TDRD10: variants seen among roughly 807,000 people sequenced by gnomAD.
TDRD10 encodes the protein tudor domain containing 10.
In TDRD10, 40 loss-of-function variants were observed where a neutral mutation model predicts 48.0. The observed-to-expected ratio is 0.83, with a 90% CI of 0.65 to 1.09. TDRD10 has a LOEUF of 1.09. Among genes scored for constraint, TDRD10 ranks in the 50% least tolerant of loss-of-function variants. The probability of loss-of-function intolerance (pLI) is 0.00; values close to 1 mark genes in which losing one functional copy is unlikely to be tolerated. For missense variants in TDRD10, 378 were observed against 434.7 expected (o/e 0.87, Z 1.16); for synonymous variants, 162 against 170.4 (o/e 0.95, Z 0.38).
chr1:154,508,609 C>T (rs929755776), intron 4 of TDRD10, 128 bp downstream of exon 4: 7 of 700,386 alleles, frequency 1.0e-5, no homozygotes, highest in South Asian at 4.9e-5. Flanking sequence ...GACAGTCACT[C>T]GTTGGTGACT....
chr1:154,537,131 C>G (rs1223637100), intron 6 of TDRD10, among the ~76,000 whole-genome samples: 1 of 152,142 alleles, frequency 6.6e-6, no homozygotes, highest in Non-Finnish European at 1.5e-5. Flanking sequence ...TTTGCTGTCT[C>G]CCTTCATTCC....
rs778421773 is a variant in TDRD10, at chr1:154,508,413, T to C, written c.83-10T>C. Reference sequence around the variant, plus strand: ...GTATGCCTGCCATTTAATGCTGTTTTTCTTCTTAGGATTCAAGAAAAGAGA... The same window carrying C: ...GTATGCCTGCCATTTAATGCTGTTTCTCTTCTTAGGATTCAAGAAAAGAGA... On this transcript the variant is annotated splice_polypyrimidine_tract_variant and intron_variant, in intron 3 of 12. Transcript: ENST00000368482. 35 of 1,595,664 alleles carry C rather than the reference T, an allele frequency of 2.2e-5. No individual in the cohort carries two copies. Among genetic ancestry groups the C allele is most frequent in the Non-Finnish European group, 2.9e-5 (34 of 1,163,292 alleles).
In TDRD10 at chr1:154,506,882, C is replaced by A; in HGVS notation, c.-22C>A. 1 of 1,614,078 alleles carries A rather than the reference C, an allele frequency of 6.2e-7. No individual in the cohort carries two copies. The highest frequency in any genetic ancestry group is 1.1e-5 in the South Asian group (1 of 91,080). ...GTGGCCGGTTGGTTTTGTAGGAGAT[C>A]CTGTTGGAAAGCAACTGCAGCATGT... On this transcript the variant is annotated 5_prime_UTR_variant, in exon 2 of 13. Coordinates refer to ENST00000368482, the MANE Select transcript of TDRD10 (RefSeq NM_182499.4).
At chr1:154,503,260 C>T (rs535179407) in intron 1 of TDRD10, among the ~76,000 whole-genome samples, 1 of 152,288 alleles carries the variant, frequency 6.6e-6, no homozygotes, top group African/African-American at 2.4e-5. Context: ...GAAAAGACGC[C>T]TCTGCCATTC....
chr1:154,507,450 C>A, intron 3 of TDRD10, 130 bp downstream of exon 3: 1 of 1,079,324 alleles, frequency 9.3e-7, no homozygotes, highest in South Asian at 1.5e-5. Context: ...TCTGCTCTTC[C>A]TCCAGTCAGC....
At chr1:154,538,887 A>G (rs1695075299) in intron 6 of TDRD10, among the ~76,000 whole-genome samples, 1 of 144,432 alleles carries the variant, frequency 6.9e-6, no homozygotes, top group African/African-American at 2.5e-5. Flanking sequence ...AGAGAGGCAG[A>G]ACGTGGTTGG....
Position 154,510,046 on chromosome 1 carries a change from G to A in TDRD10, c.141+1565G>A, listed in dbSNP as rs74688178. Among the ~76,000 whole-genome samples the A allele has an allele frequency of 9.0e-3, 1,374 of 152,150 alleles. 21 individuals are homozygous for A. The highest frequency in any genetic ancestry group is 0.031 in the African/African-American group (1,305 of 41,494). On this transcript the variant is annotated intron_variant, in intron 4 of 12. Transcript: ENST00000368482. ...GCCCCTACCCATAGTGCCTTCTTTC[G>A]ACTCAAACTCAGCCTCATAGGAAAG...
Position 154,546,068 on chromosome 1 carries a change from C to G in TDRD10, c.952+1119C>G, listed in dbSNP as rs571236945. Among the ~76,000 whole-genome samples, 438 of 147,256 alleles carry G rather than the reference C, an allele frequency of 3.0e-3. 1 individual carries two copies. Among genetic ancestry groups the G allele is most frequent in the African/African-American group, 0.011 (424 of 39,724 alleles). On this transcript the variant is annotated intron_variant, in intron 11 of 12. Coordinates refer to ENST00000368482, the MANE Select transcript of TDRD10 (RefSeq NM_182499.4). ...GATTACAGCTGTGAGCCACCGTGCC[C>G]GGCCCTCAGACAAACTAAGTCTTGA...
chr1:154,512,888 A>C (rs1693557768), intron 4 of TDRD10, among the ~76,000 whole-genome samples: 1 of 152,186 alleles, frequency 6.6e-6, no homozygotes, highest in African/African-American at 2.4e-5. Flanking sequence ...TGGTTTATTT[A>C]GAGGTGGTGT....
At chr1:154,534,037 T>C (rs1410659537) in intron 6 of TDRD10, among the ~76,000 whole-genome samples, 1 of 151,938 alleles carries the variant, frequency 6.6e-6, no homozygotes, top group Admixed American at 6.6e-5. Context: ...GCCGTATTTT[T>C]AAATGGGAAA....
intron 6 of TDRD10, among the ~76,000 whole-genome samples, chr1:154,539,708 C>T (rs542866808): frequency 1.3e-5 from 2 of 152,350 alleles, no homozygotes; most frequent in South Asian, 2.1e-4. Context: ...GTTACCTCCA[C>T]GATCAAGGTA....
At chr1:154,508,299 G>A (rs1693260317) in intron 3 of TDRD10, 124 bp from the exon 4 acceptor site, 2 of 703,792 alleles carry the variant, frequency 2.8e-6, no homozygotes, top group Admixed American at 2.2e-5. Flanking sequence ...AGGATTGCTT[G>A]AGCCCAGGAA....
intron 6 of TDRD10, among the ~76,000 whole-genome samples, chr1:154,525,332 C>G (rs1694254551): frequency 6.6e-6 from 1 of 152,104 alleles, no homozygotes; most frequent in Non-Finnish European, 1.5e-5. Context: ...TACACAAAAG[C>G]TGAACATAAA....
chr1:154,520,125 A>T (rs1364654093), intron 4 of TDRD10, among the ~76,000 whole-genome samples, 179 bp from the exon 5 acceptor site: 1 of 152,152 alleles, frequency 6.6e-6, no homozygotes, highest in African/African-American at 2.4e-5. Context: ...GCTTCACTGA[A>T]GACAGGGCTG....
At chr1:154,503,442 G>A (rs1327519521) in intron 1 of TDRD10, among the ~76,000 whole-genome samples, 1 of 152,064 alleles carries the variant, frequency 6.6e-6, no homozygotes, top group Non-Finnish European at 1.5e-5. Flanking sequence ...ACAAAAATTA[G>A]CCGGGCGTGG....
chr1:154,507,317 C>T lies in TDRD10; in HGVS notation c.79C>T (p.Pro27Ser), dbSNP rs868805517. The change falls in exon 3 of 13, where the codon CCA (proline) becomes TCA (serine). Residue 27 changes from proline (P) to serine (S), a missense_variant. Pro to Ser is a moderately conservative substitution (Grantham distance 74). Transcript: ENST00000368482. ...TGGAGTGTTGGAGGAGCAGAAATCT[C>T]CAGGTAAGTTAGGCTGGGGGATTCG... is the stretch of plus-strand genomic sequence containing the variant. Reference protein sequence around the residue: ...KNGVLEEQKSPGFKKRETEVY... With the variant: ...KNGVLEEQKSSGFKKRETEVY... 1 of 1,613,982 alleles carries T rather than the reference C, an allele frequency of 6.2e-7. No homozygotes were observed. Among genetic ancestry groups the T allele is most frequent in the South Asian group, 1.1e-5 (1 of 91,042 alleles).
chr1:154,544,818 A>T lies in TDRD10; in HGVS notation c.821A>T (p.Asp274Val). 1 of 1,614,064 alleles carries T rather than the reference A, an allele frequency of 6.2e-7. No homozygotes were observed. Among genetic ancestry groups the T allele is most frequent in the Non-Finnish European group, 8.5e-7 (1 of 1,180,010 alleles). The change falls in exon 11 of 13, where the codon GAC becomes GTC. Residue 274 changes from aspartate to valine, a missense_variant. Physicochemically the swap from Asp to Val is radical, Grantham distance 152. This residue lies in a region of TDRD10 where 68 missense variants were observed against 111.1 expected (regional missense o/e 0.61). Coordinates refer to ENST00000368482, the MANE Select transcript of TDRD10 (RefSeq NM_182499.4). ...AGGTGTTGGGTGCTGGACAGGGTGG[A>T]CACCTGGGCTGTGGTCATGTTCATT... Reference protein sequence around the residue: ...WNRCWVLDRVDTWAVVMFIDF... With the variant: ...WNRCWVLDRVVTWAVVMFIDF...
At position 154,544,456 on chromosome 1, in the gene TDRD10, A is replaced by G. The variant is rs756356929; in HGVS notation, c.736A>G (p.Met246Val). 1 of 1,613,020 alleles carries G rather than the reference A, an allele frequency of 6.2e-7. No individual in the cohort carries two copies. The highest frequency in any genetic ancestry group is 1.1e-5 in the South Asian group (1 of 90,532). ...QQPYLEGSTVMRGTRCLAEYH... is the reference protein window; with the variant it reads ...QQPYLEGSTVVRGTRCLAEYH... ...GCCCTACCTGGAGGGCTCCACCGTT[A>G]TGCGCGGGACTCGCTGTCTGGCAGA... The change falls in exon 10 of 13, where the codon ATG becomes GTG. Residue 246 changes from methionine (M) to valine (V), a missense_variant. Met to Val is a conservative substitution (Grantham distance 21). Coordinates refer to ENST00000368482, the MANE Select transcript of TDRD10 (RefSeq NM_182499.4).
chr1:154,512,948 G>C (rs1177366148), intron 4 of TDRD10, among the ~76,000 whole-genome samples: 1 of 152,196 alleles, frequency 6.6e-6, no homozygotes, highest in Non-Finnish European at 1.5e-5. Context: ...AAGCAATGTG[G>C]TGTTTGAGAT....
Sources: allele counts gnomAD v4.1 joint callset (sites outside exome capture counted in the v4.1 genomes callset), GRCh38; gene constraint gnomAD v4.1.1; regional missense constraint gnomAD v4.1.1; transcripts MANE v1.5; gene names NCBI Gene and HGNC (gene_info 2026-07-23, HGNC 2026-07-21).